Variants in CCP110 observed in about 807,000 individuals in gnomAD.
CCP110 encodes the protein centriolar coiled-coil protein 110, also known as centriolar coiled-coil protein of 110 kDa.
A neutral mutation model predicts 105.5 loss-of-function variants in CCP110; 43 were observed. The observed-to-expected ratio is 0.41, with a 90% CI of 0.32 to 0.53. The LOEUF is 0.53. CCP110 is among the 20% of genes least tolerant of loss of function. The pLI, the probability that CCP110 is intolerant of heterozygous loss-of-function variation, is 0.32. For synonymous variants in CCP110, 353 were observed against 392.1 expected (o/e 0.90, Z 1.18); for missense variants, 1,016 against 1,189.1 (o/e 0.85, Z 2.14).
chr16:19,545,124 A>G (rs1163370109), exon 10 of CCP110: 2 of 1,611,572 alleles, frequency 1.2e-6, no homozygotes, highest in African/African-American at 1.3e-5. Context: ...TATTCATGAC[A>G]TATTCTTTGT....
In CCP110 at chr16:19,533,552, C is replaced by T. The variant is rs901898552; in HGVS notation, c.270+1008C>T. 5.3e-5 allele frequency among the ~76,000 whole-genome samples: 8 copies of T among 152,250 alleles called. No homozygotes were observed. In the East Asian group the frequency reaches 5.8e-4, roughly 11 times the overall value. ...ATTAGCACTCACTGAATCCACAAGT[C>T]GCATGAGAAAGGTGGGGGTAGAGGA... On this transcript the variant is annotated intron_variant, in intron 3 of 14. Transcript: ENST00000381396.
At chr16:19,551,274 TG>T (rs751320224) in exon 15 of CCP110, 6 of 1,583,116 alleles carry the variant, frequency 3.8e-6, no homozygotes, top group Non-Finnish European at 5.2e-6. Context: ...TAGGATAAAA[TG>T]GGGGGAAGGA....
chr16:19,527,485 A>G (rs145055968), intron 1 of CCP110, among the ~76,000 whole-genome samples: 4 of 152,264 alleles, frequency 2.6e-5, no homozygotes, highest in Non-Finnish European at 5.9e-5. Context: ...TTTGTATGAT[A>G]TAGTTTTTCT....
At chr16:19,544,961 T>A in intron 9 of CCP110, 63 bp downstream of exon 9, 1 of 1,049,248 alleles carries the variant, frequency 9.5e-7, no homozygotes, top group Non-Finnish European at 1.4e-6. Flanking sequence ...CTTTTTTATT[T>A]AATCACTGAA....
At chr16:19,530,837 C>T (rs1230164582) in intron 2 of CCP110, among the ~76,000 whole-genome samples, 1 of 152,004 alleles carries the variant, frequency 6.6e-6, no homozygotes, top group African/African-American at 2.4e-5. Flanking sequence ...GCCTGTAATC[C>T]CAGCTGTGCG....
At chr16:19,544,174 C>T (rs1489247907) in intron 8 of CCP110, among the ~76,000 whole-genome samples, 2 of 152,186 alleles carry the variant, frequency 1.3e-5, no homozygotes, top group Non-Finnish European at 2.9e-5. Context: ...CTTTATTTCT[C>T]ATCTGGCTGA....
chr16:19,540,562 C>A, intron 4 of CCP110, 95 bp from the exon 5 acceptor site: 2 of 1,039,794 alleles, frequency 1.9e-6, no homozygotes, highest in Non-Finnish European at 2.8e-6. Flanking sequence ...TCCAGGAATA[C>A]TCTCTTGTCA....
At chr16:19,534,872 C>CTTT (rs35522152) in intron 3 of CCP110, among the ~76,000 whole-genome samples, 34 of 100,528 alleles carry the variant, frequency 3.4e-4, no homozygotes, top group Non-Finnish European at 4.4e-4. Context: ...AATATTCAGA[C>CTTT]TTTTTTTTTT....
At chr16:19,538,590 A>C (rs1970166295) in intron 4 of CCP110, among the ~76,000 whole-genome samples, 1 of 151,642 alleles carries the variant, frequency 6.6e-6, no homozygotes, top group South Asian at 2.1e-4. Flanking sequence ...AATTACAGGC[A>C]TGAGCCACCG....
At chr16:19,536,199 C>T in exon 4 of CCP110, 1 of 1,614,076 alleles carries the variant, frequency 6.2e-7, no homozygotes, top group Non-Finnish European at 8.5e-7. Flanking sequence ...TGTGATAGTT[C>T]CAATATTAGT....
At chr16:19,528,487 A>G (rs554345595) in intron 2 of CCP110, among the ~76,000 whole-genome samples, 1 of 152,322 alleles carries the variant, frequency 6.6e-6, no homozygotes, top group East Asian at 1.9e-4. Flanking sequence ...ACTCTCATAC[A>G]TACCATTACA....
intron 12 of CCP110, 171 bp from the exon 13 acceptor site, chr16:19,547,784 T>A (rs1426199492): frequency 1.7e-6 from 1 of 576,318 alleles, no homozygotes; most frequent in Non-Finnish European, 3.1e-6. Flanking sequence ...AAAATACAAG[T>A]ATCATATTAA....
chr16:19,538,064 A>G (rs1970140784), intron 4 of CCP110, among the ~76,000 whole-genome samples: 1 of 151,436 alleles, frequency 6.6e-6, no homozygotes, highest in Non-Finnish European at 1.5e-5. Flanking sequence ...ACACCCAGCC[A>G]GGATTTTCTT....
chr16:19,529,600 C>T (rs1969792188), intron 2 of CCP110, among the ~76,000 whole-genome samples: 1 of 151,968 alleles, frequency 6.6e-6, no homozygotes, highest in Non-Finnish European at 1.5e-5. Flanking sequence ...TTAAAAATTG[C>T]CTAGCTATTT....
exon 4 of CCP110, chr16:19,536,441 G>A: frequency 6.2e-7 from 1 of 1,613,802 alleles, no homozygotes; most frequent in East Asian, 2.2e-5. Context: ...AATTGTTAAT[G>A]AGAGTCATTT....
At chr16:19,528,411 A>T (rs189463524) in intron 2 of CCP110, among the ~76,000 whole-genome samples, 70 of 152,352 alleles carry the variant, frequency 4.6e-4, no homozygotes, top group African/African-American at 1.7e-3. Context: ...TTAAAATAGC[A>T]AAGGTTGACG....
At chr16:19,531,540 T>C (rs34022665) in intron 2 of CCP110, among the ~76,000 whole-genome samples, 23,379 of 152,222 alleles carry the variant, frequency 0.15, 1,866 homozygotes, top group Admixed American at 0.2. Context: ...TATTCTGCTT[T>C]TGTAGGCAAA....
intron 8 of CCP110, 25 bp from the exon 9 acceptor site, chr16:19,544,772 T>G (rs952721621): frequency 8.4e-7 from 1 of 1,193,838 alleles, no homozygotes; most frequent in Non-Finnish European, 1.2e-6. Context: ...GAAAAATGTT[T>G]TTGAAGGAGC....
intron 4 of CCP110, among the ~76,000 whole-genome samples, chr16:19,538,570 A>T (rs939215613): frequency 6.6e-6 from 1 of 151,722 alleles, no homozygotes; most frequent in African/African-American, 2.4e-5. Flanking sequence ...TCAGCCTCCC[A>T]AAGTGCTGGA....
Sources: allele counts gnomAD v4.1 joint callset (sites outside exome capture counted in the v4.1 genomes callset), GRCh38; gene constraint gnomAD v4.1.1; transcripts MANE v1.5; gene names NCBI Gene and HGNC (gene_info 2026-07-23, HGNC 2026-07-21).